The following TTLL11 variants were observed in gnomAD, a reference collection of about 807,000 sequenced individuals.
TTLL11 encodes tubulin polyglutamylase TTLL11.
A neutral mutation model predicts 51.7 loss-of-function variants in TTLL11; 42 were observed. The ratio of observed to expected loss-of-function variants is 0.81; its 90% CI spans 0.64 to 1.05. TTLL11 has a LOEUF of 1.05. Ranked by LOEUF, TTLL11 falls within the 50% of genes least tolerant of loss-of-function variation. The probability of loss-of-function intolerance (pLI) is 0.00; values close to 1 mark genes in which losing one functional copy is unlikely to be tolerated. For missense variants in TTLL11, 799 were observed against 940.4 expected, an observed-to-expected ratio of 0.85 and a Z score of 1.97; for synonymous variants, 381 against 383.5, an observed-to-expected ratio of 0.99 and a Z score of 0.08.
intron 8 of TTLL11, among the ~76,000 whole-genome samples, chr9:121,838,843 C>T (rs930292448): frequency 3.8e-5 from 5 of 133,242 alleles, no homozygotes; most frequent in Admixed American, 7.3e-5. Flanking sequence ...GATCAAACCA[C>T]GCACTCCCCC....
At chr9:121,967,579 G>A (rs180799345) in intron 6 of TTLL11, among the ~76,000 whole-genome samples, 48 of 152,194 alleles carry the variant, frequency 3.2e-4, no homozygotes, top group Middle Eastern at 6.8e-3. Flanking sequence ...CTAAGGTCTG[G>A]GCTTTTAGCA....
In TTLL11 at chr9:121,826,533, G is replaced by GTATATATATATA. The variant is rs1564260517; in HGVS notation, c.1841-3655_1841-3654insTATATATATATA. On this transcript the variant is annotated intron_variant, in intron 8 of 8. Coordinates refer to ENST00000321582, the MANE Select transcript of TTLL11 (RefSeq NM_001139442.2). Reference sequence around the variant, plus strand: ...TATATATGTATATATATATATGTGTGTGTGTATATATATATATGTGTGTGT... The same window carrying GTATATATATATA: ...TATATATGTATATATATATATGTGTGTATATATATATATGTGTATATATATATATGTGTGTGT... Among the ~76,000 whole-genome samples the GTATATATATATA allele has an allele frequency of 2.0e-3, 101 of 51,140 alleles. 1 individual carries two copies. Among genetic ancestry groups the GTATATATATATA allele is most frequent in the African/African-American group, 5.5e-3 (51 of 9,348 alleles). 33.5% of individuals were successfully genotyped at this position (51,140 alleles called of 152,430 possible).
At chr9:121,967,210 A>ATTTTTTT (rs150372226) in intron 6 of TTLL11, among the ~76,000 whole-genome samples, 1 of 62,998 alleles carries the variant, frequency 1.6e-5, no homozygotes, top group African/African-American at 5.3e-5. Context: ...TCAGCGGGAG[A>ATTTTTTT]TTTTTTTTTT....
intron 8 of TTLL11, among the ~76,000 whole-genome samples, chr9:121,825,042 T>C (rs1338406012): frequency 1.3e-5 from 2 of 152,080 alleles, no homozygotes; most frequent in Non-Finnish European, 2.9e-5. Flanking sequence ...ATATGAGGAG[T>C]TGATAAAATG....
intron 6 of TTLL11, among the ~76,000 whole-genome samples, chr9:121,904,365 CAG>C (rs1454500713): frequency 6.6e-6 from 1 of 152,020 alleles, no homozygotes; most frequent in Non-Finnish European, 1.5e-5. Context: ...TTAGTAGAGA[CAG>C]GGTTTCACCG....
At chr9:121,841,648 T>C (rs1837350828) in intron 8 of TTLL11, among the ~76,000 whole-genome samples, 3 of 152,118 alleles carry the variant, frequency 2.0e-5, no homozygotes, top group Admixed American at 2.0e-4. Context: ...GGCAGCTGCA[T>C]GGTGTGGCTG....
intron 4 of TTLL11, among the ~76,000 whole-genome samples, chr9:121,981,528 G>A (rs1226306406): frequency 6.6e-6 from 1 of 152,018 alleles, no homozygotes; most frequent in Non-Finnish European, 1.5e-5. Flanking sequence ...TGATATTTTT[G>A]GATCTGTTTC....
chr9:121,974,244 T>A (rs1842645600), intron 5 of TTLL11, 120 bp from the exon 6 acceptor site: 3 of 554,854 alleles, frequency 5.4e-6, no homozygotes, highest in Non-Finnish European at 9.3e-6. Context: ...TAGAAGAAAA[T>A]TTTTAAAGAC....
chr9:121,881,605 A>G (rs11793019), intron 6 of TTLL11, among the ~76,000 whole-genome samples: 31,808 of 152,244 alleles, frequency 0.21, 3,572 homozygotes, highest in African/African-American at 0.3. Context: ...ACACAAAACC[A>G]GCTTCACTCA....
chr9:121,983,448 TG>T (rs1418227583), intron 4 of TTLL11, among the ~76,000 whole-genome samples: 1 of 152,170 alleles, frequency 6.6e-6, no homozygotes, highest in Non-Finnish European at 1.5e-5. Flanking sequence ...CTTAAGGCCA[TG>T]GGGGCTACGC....
intron 6 of TTLL11, among the ~76,000 whole-genome samples, chr9:121,896,334 C>A (rs899738442): frequency 3.0e-4 from 45 of 152,314 alleles, no homozygotes; most frequent in African/African-American, 9.6e-4. Flanking sequence ...CTAGAGTTCC[C>A]AACTGTGGGC....
chr9:121,907,897 A>T (rs1051869660), intron 6 of TTLL11, among the ~76,000 whole-genome samples: 1 of 152,238 alleles, frequency 6.6e-6, no homozygotes, highest in Non-Finnish European at 1.5e-5. Context: ...GTTGCATGCT[A>T]AAAAGTTTTG....
chr9:122,053,264 T>A (rs78335047), intron 1 of TTLL11, among the ~76,000 whole-genome samples: 3 of 152,018 alleles, frequency 2.0e-5, no homozygotes, highest in African/African-American at 7.2e-5. Flanking sequence ...GGAGGAGCAG[T>A]GGTTTCTGGT....
chr9:121,848,488 A>G (rs1004092944), intron 8 of TTLL11, among the ~76,000 whole-genome samples: 7 of 152,316 alleles, frequency 4.6e-5, no homozygotes, highest in Admixed American at 3.3e-4. Context: ...TGGATTGTCA[A>G]TGTAGAAAAT....
At chr9:121,955,152 CTTAA>C (rs774892552) in intron 6 of TTLL11, among the ~76,000 whole-genome samples, 31 of 152,312 alleles carry the variant, frequency 2.0e-4, no homozygotes, top group Non-Finnish European at 4.3e-4. Flanking sequence ...CAGGGATAAT[CTTAA>C]TTAAACTATT....
intron 1 of TTLL11, among the ~76,000 whole-genome samples, chr9:122,063,254 G>T (rs1048609025): frequency 1.1e-4 from 16 of 152,202 alleles, no homozygotes; most frequent in Non-Finnish European, 2.4e-4. Context: ...ATTTTACCTT[G>T]TGAGATTTAA....
At chr9:121,832,668 A>G (rs922372329) in intron 8 of TTLL11, among the ~76,000 whole-genome samples, 1 of 152,190 alleles carries the variant, frequency 6.6e-6, no homozygotes, top group African/African-American at 2.4e-5. Flanking sequence ...GGCCAGGTGC[A>G]GTGGCTCATG....
chr9:122,078,591 T>C (rs754151121), intron 1 of TTLL11, among the ~76,000 whole-genome samples: 16 of 152,214 alleles, frequency 1.1e-4, no homozygotes, highest in Non-Finnish European at 1.8e-4. Context: ...GGCCAAGTGT[T>C]AATTTTTTTA....
At chr9:122,050,753 C>T (rs1845135426) in intron 1 of TTLL11, among the ~76,000 whole-genome samples, 1 of 152,190 alleles carries the variant, frequency 6.6e-6, no homozygotes, top group Non-Finnish European at 1.5e-5. Flanking sequence ...CTCACTCCCC[C>T]TTTGCTTTGG....
Sources: allele counts gnomAD v4.1 joint callset (sites outside exome capture counted in the v4.1 genomes callset), GRCh38; gene constraint gnomAD v4.1.1; transcripts MANE v1.5; gene names NCBI Gene and HGNC (gene_info 2026-07-23, HGNC 2026-07-21).